L3MBTL4: variants seen among roughly 807,000 people sequenced by gnomAD.
L3MBTL4 encodes the protein L3MBTL histone methyl-lysine binding protein 4, also known as lethal(3)malignant brain tumor-like protein 4.
A neutral mutation model predicts 84.5 loss-of-function variants in L3MBTL4; 70 were observed. The observed-to-expected ratio is 0.83, with a 90% CI of 0.68 to 1.01. The LOEUF (loss-of-function observed/expected upper bound fraction) is 1.01, where lower values mean the gene tolerates loss of function less well. Ranked by LOEUF, L3MBTL4 falls within the 50% of genes least tolerant of loss-of-function variation. L3MBTL4 has a pLI of 0.00. For missense variants in L3MBTL4, 715 were observed against 754.8 expected, an observed-to-expected ratio of 0.95 and a Z score of 0.62; for synonymous variants, 274 against 259.8, an observed-to-expected ratio of 1.05 and a Z score of -0.52.
At chr18:6,406,714 C>G (rs1240831666) in intron 1 of L3MBTL4, among the ~76,000 whole-genome samples, 1 of 152,058 alleles carries the variant, frequency 6.6e-6, no homozygotes, top group Non-Finnish European at 1.5e-5. Flanking sequence ...GGGCAGCATG[C>G]GAAACAACAA....
At chr18:6,073,163 G>A (rs1208048521) in intron 16 of L3MBTL4, among the ~76,000 whole-genome samples, 4 of 149,622 alleles carry the variant, frequency 2.7e-5, no homozygotes, top group East Asian at 3.9e-4. Flanking sequence ...GGCAAAAACA[G>A]AGAGAGAGAG....
intron 1 of L3MBTL4, among the ~76,000 whole-genome samples, chr18:6,377,116 C>T (rs532713824): frequency 1.3e-5 from 2 of 152,256 alleles, no homozygotes; most frequent in African/African-American, 4.8e-5. Context: ...TCTCAAGGGT[C>T]ACAAACCTGG....
intron 14 of L3MBTL4, among the ~76,000 whole-genome samples, chr18:6,135,121 C>T (rs28794234): frequency 0.052 from 7,940 of 152,240 alleles, 699 homozygotes; most frequent in African/African-American, 0.18. Context: ...GGGACTTCCA[C>T]CCTCTGAAGC....
chr18:6,412,839 G>A (rs755090718), intron 1 of L3MBTL4, among the ~76,000 whole-genome samples: 3 of 151,992 alleles, frequency 2.0e-5, no homozygotes, highest in Non-Finnish European at 2.9e-5. Flanking sequence ...ATGTTACAGA[G>A]CACCTAAGAT....
chr18:6,039,513 A>G (rs946593860), intron 16 of L3MBTL4, among the ~76,000 whole-genome samples: 1 of 152,172 alleles, frequency 6.6e-6, no homozygotes, highest in Non-Finnish European at 1.5e-5. Context: ...AAGGGTAAGG[A>G]AAGAGTGCCC....
intron 4 of L3MBTL4, among the ~76,000 whole-genome samples, chr18:6,267,739 C>T (rs572191056): frequency 6.6e-6 from 1 of 152,136 alleles, no homozygotes; most frequent in Non-Finnish European, 1.5e-5. Context: ...CACATATGTA[C>T]CAAAGAACCT....
intron 1 of L3MBTL4, among the ~76,000 whole-genome samples, chr18:6,329,470 C>T (rs935879221): frequency 6.6e-6 from 1 of 152,124 alleles, no homozygotes; most frequent in African/African-American, 2.4e-5. Flanking sequence ...TCTTTTTATA[C>T]ACTCTAGAAA....
intron 5 of L3MBTL4, among the ~76,000 whole-genome samples, chr18:6,255,507 C>A (rs181053498): frequency 6.6e-6 from 1 of 152,128 alleles, no homozygotes; most frequent in Non-Finnish European, 1.5e-5. Flanking sequence ...TTAGAAACTA[C>A]GGGAAATGAG....
intron 16 of L3MBTL4, among the ~76,000 whole-genome samples, chr18:6,076,996 T>C (rs1051596674): frequency 1.3e-5 from 2 of 152,014 alleles, no homozygotes; most frequent in Admixed American, 6.6e-5. Context: ...TGAATGCAAA[T>C]GCACTTTAAT....
intron 14 of L3MBTL4, among the ~76,000 whole-genome samples, chr18:6,119,215 G>A (rs1466002756): frequency 1.3e-5 from 2 of 151,890 alleles, no homozygotes; most frequent in Non-Finnish European, 2.9e-5. Context: ...TTAGAAATAT[G>A]ACAGCCAGGA....
chr18:6,064,985 T>C (rs933115787), intron 16 of L3MBTL4, among the ~76,000 whole-genome samples: 3 of 152,118 alleles, frequency 2.0e-5, no homozygotes, highest in South Asian at 2.1e-4. Flanking sequence ...TGCCTGTGGG[T>C]TTACCTTATA....
rs371154062 is a variant in L3MBTL4, at chr18:6,078,436, AAAC to A, written c.1444+2442_1444+2444del. ...AGGGAGAGTCCACCTCAAAAAAAAA[AAAC>A]AAAAAAAAAAAAAAAAGGGGAAAAA... On this transcript the variant is annotated intron_variant, in intron 16 of 18. Transcript: ENST00000317931. Among the ~76,000 whole-genome samples, 1,390 of 145,056 alleles carry A rather than the reference AAAC, an allele frequency of 9.6e-3. 84 individuals carry two copies. Among genetic ancestry groups the A allele is most frequent in the Non-Finnish European group, 0.014 (948 of 66,224 alleles).
intron 8 of L3MBTL4, among the ~76,000 whole-genome samples, chr18:6,240,340 G>A (rs1163836783): frequency 1.3e-5 from 2 of 150,882 alleles, no homozygotes; most frequent in Non-Finnish European, 3.0e-5. Context: ...AAAATAAGTG[G>A]CTTTTTCAAT....
chr18:6,100,673 G>A (rs974742729), intron 14 of L3MBTL4, among the ~76,000 whole-genome samples: 1 of 152,208 alleles, frequency 6.6e-6, no homozygotes, highest in Admixed American at 6.5e-5. Flanking sequence ...CCTCGTAGTT[G>A]CCATGTGGAG....
chr18:6,271,328 T>C (rs1296123577), intron 4 of L3MBTL4, among the ~76,000 whole-genome samples: 1 of 152,218 alleles, frequency 6.6e-6, no homozygotes, highest in Non-Finnish European at 1.5e-5. Flanking sequence ...TTATAAATTA[T>C]AGTATCACTT....
chr18:6,240,034 C>T (rs572508652), intron 8 of L3MBTL4, among the ~76,000 whole-genome samples, 162 bp from the exon 9 acceptor site: 62 of 152,334 alleles, frequency 4.1e-4, no homozygotes, highest in Non-Finnish European at 7.4e-4. Context: ...TATCCGGCAA[C>T]TGTCACACAG....
chr18:6,169,623 G>T, intron 13 of L3MBTL4, among the ~76,000 whole-genome samples: 1 of 144,610 alleles, frequency 6.9e-6, no homozygotes, highest in Non-Finnish European at 1.5e-5. Context: ...GGTGGGAATT[G>T]AACAATGAGA....
intron 12 of L3MBTL4, among the ~76,000 whole-genome samples, chr18:6,204,842 A>G (rs2045803825): frequency 6.6e-6 from 1 of 152,216 alleles, no homozygotes; most frequent in Non-Finnish European, 1.5e-5. Context: ...GGTTCCAGGT[A>G]TGCATCATAT....
chr18:6,071,484 C>T (rs1277858000), intron 16 of L3MBTL4, among the ~76,000 whole-genome samples: 3 of 150,722 alleles, frequency 2.0e-5, no homozygotes, highest in East Asian at 3.9e-4. Flanking sequence ...TAAGAGACTC[C>T]TGTTGACTGG....
Sources: gnomAD v4.1 joint callset for allele counts (sites outside exome capture counted in the v4.1 genomes callset) on GRCh38, gnomAD v4.1.1 for gene constraint, MANE v1.5 for transcripts, NCBI Gene and HGNC (gene_info 2026-07-23, HGNC 2026-07-21) for gene names.